RAPGEF1: variants seen among roughly 807,000 people sequenced by gnomAD.
The protein encoded by RAPGEF1 is Rap guanine nucleotide exchange factor 1, also known as CRK SH3-binding GNRP.
Under a neutral mutation model 143.3 loss-of-function variants are expected in RAPGEF1, and 33 were observed. That is an observed-to-expected ratio of 0.23 (90% CI 0.17 to 0.31). The LOEUF (loss-of-function observed/expected upper bound fraction) is 0.31, where lower values mean the gene tolerates loss of function less well. Among genes scored for constraint, RAPGEF1 ranks in the 10% least tolerant of loss-of-function variants. The pLI, the probability that RAPGEF1 is intolerant of heterozygous loss-of-function variation, is 1.00. For synonymous variants in RAPGEF1, 629 were observed against 676.5 expected (o/e 0.93, Z 1.09); for missense variants, 1,199 against 1,645.4 (o/e 0.73, Z 4.69).
intron 1 of RAPGEF1, among the ~76,000 whole-genome samples, chr9:131,682,680 GA>G (rs1833015522): frequency 6.6e-6 from 1 of 152,284 alleles, no homozygotes; most frequent in South Asian, 2.1e-4. Context: ...GGGGAATGGG[GA>G]AAAGTGAAAT....
At chr9:131,691,168 C>T (rs1833756413) in intron 1 of RAPGEF1, among the ~76,000 whole-genome samples, 1 of 152,140 alleles carries the variant, frequency 6.6e-6, no homozygotes, top group African/African-American at 2.4e-5. Context: ...TTTTTCTTAT[C>T]ACTGGTTAAA....
At chr9:131,600,120 G>GA (rs199937770) in intron 15 of RAPGEF1, among the ~76,000 whole-genome samples, 42 of 146,558 alleles carry the variant, frequency 2.9e-4, no homozygotes, top group South Asian at 8.6e-4. Flanking sequence ...TGTCTCAAGG[G>GA]AAAAAAAAAA....
At chr9:131,585,590 A>G (rs1383374434) in intron 22 of RAPGEF1, among the ~76,000 whole-genome samples, 1 of 152,250 alleles carries the variant, frequency 6.6e-6, no homozygotes, top group Non-Finnish European at 1.5e-5. Flanking sequence ...CGTCTGCTTT[A>G]GAAACCACAT....
In RAPGEF1 at chr9:131,725,760, GT is replaced by G. The variant is rs71501267; in HGVS notation, c.61+14009del. Among the ~76,000 whole-genome samples, 431 of 132,588 alleles carry G rather than the reference GT, an allele frequency of 3.3e-3. 1 individual carries two copies. The highest frequency in any genetic ancestry group is 4.3e-3 in the Non-Finnish European group (270 of 62,804). 87.0% of individuals were successfully genotyped at this position (132,588 alleles called of 152,430 possible). ...TTTGCCCATTTAAAAATTGGGTTGT[GT>G]TTTTTTTTTTTTTTTGAGACGGAGT... is the stretch of plus-strand genomic sequence containing the variant. On this transcript the variant is annotated intron_variant, in intron 1 of 26. Coordinates refer to ENST00000683357, the MANE Select transcript of RAPGEF1 (RefSeq NM_001377935.1).
At position 131,587,971 on chromosome 9, in the gene RAPGEF1, G is replaced by C; in HGVS notation, c.3109C>G (p.Leu1037Val). 1 of 1,612,980 alleles carries C rather than the reference G, an allele frequency of 6.2e-7. No homozygotes were observed. Among genetic ancestry groups the C allele is most frequent in the Non-Finnish European group, 8.5e-7 (1 of 1,179,510 alleles). The change falls in exon 21 of 27, where the codon CTG becomes GTG. Residue 1037 changes from leucine (L) to valine (V), a missense_variant. Around this residue, in one of 6 missense-constraint regions of RAPGEF1, gnomAD observed 209 missense variants for 403.0 expected, o/e 0.52. Transcript: ENST00000683357. ...SHEIAEQLTLLDAELFYKIEI... is the reference protein window; with the variant it reads ...SHEIAEQLTLVDAELFYKIEI... ...ATTTTATAGAAGAGCTCAGCATCCA[G>C]CAGCGTTAGCTGCTCCGCTATCTCA...
Position 131,627,997 on chromosome 9 carries a change from T to C in RAPGEF1, c.1117A>G (p.Lys373Glu), listed in dbSNP as rs775574339. ...PRLSPCSSIG[K>E]LSKSDEQLSS... ...AGCTGCTCGTCTGACTTGCTGAGCTTGCCTATGCTGCTGCAGGGGGAGAGG... is the reference window on the plus strand; with the variant it reads ...AGCTGCTCGTCTGACTTGCTGAGCTCGCCTATGCTGCTGCAGGGGGAGAGG... The change falls in exon 9 of 27, where the codon AAG becomes GAG. Residue 373 changes from lysine to glutamate, a missense_variant. Physicochemically the swap from Lys to Glu is moderately conservative, Grantham distance 56. Transcript: ENST00000683357. 6 of 1,595,084 alleles carry C rather than the reference T, an allele frequency of 3.8e-6. No homozygotes were observed. The Admixed American group carries it at 5.2e-5, about 14-fold the overall frequency.
intron 1 of RAPGEF1, among the ~76,000 whole-genome samples, chr9:131,689,727 G>A (rs997223865): frequency 2.0e-5 from 3 of 151,926 alleles, no homozygotes; most frequent in African/African-American, 7.3e-5. Context: ...TAGTAGAGAC[G>A]GGGTTTCACT....
chr9:131,589,798 T>C lies in RAPGEF1; in HGVS notation c.2867+88A>G, dbSNP rs906407687. The C allele has an allele frequency of 7.6e-5, 99 of 1,297,824 alleles. 1 individual carries two copies. Among genetic ancestry groups the C allele is most frequent in the Non-Finnish European group, 1.1e-4 (97 of 899,150 alleles). 80.4% of individuals were successfully genotyped at this position (1,297,824 alleles called of 1,614,324 possible). ...AGATAGAGCAGGCAAGAGCCAGCTC[T>C]GCCCAGAGCCGATGGGCAGGAGAAG... is the stretch of plus-strand genomic sequence containing the variant. On this transcript the variant is annotated intron_variant, in intron 19 of 26. Coordinates refer to ENST00000683357, the MANE Select transcript of RAPGEF1 (RefSeq NM_001377935.1).
In RAPGEF1 at chr9:131,579,642, T is replaced by C; in HGVS notation, c.3647A>G (p.Tyr1216Cys). 2 of 1,613,778 alleles carry C rather than the reference T, an allele frequency of 1.2e-6. No homozygotes were observed. The highest frequency in any genetic ancestry group is 1.7e-6 in the Non-Finnish European group (2 of 1,179,728). Residue 1216 changes from tyrosine to cysteine, a missense_variant, in exon 27 of 27, where the codon TAT becomes TGT. Transcript: ENST00000683357. ...DSMRCFQQAH[Y>C]DMRRNDDIIN... ...AATGTCGTCGTTCCTCCGCATGTCA[T>C]AGTGCCTGGTGCAGGGGATGGGGAG...
intron 3 of RAPGEF1, among the ~76,000 whole-genome samples, chr9:131,648,408 C>CA (rs375294831): frequency 1.3e-5 from 2 of 151,682 alleles, no homozygotes; most frequent in Non-Finnish European, 2.9e-5. Flanking sequence ...AACAAACAAA[C>CA]AAAAAAACAA....
intron 1 of RAPGEF1, among the ~76,000 whole-genome samples, chr9:131,708,294 A>T (rs1001818013): frequency 6.6e-6 from 1 of 152,242 alleles, no homozygotes; most frequent in Non-Finnish European, 1.5e-5. Flanking sequence ...TGGCAAGAGG[A>T]GGCAAAGACC....
chr9:131,639,663 G>A (rs1967279870), intron 4 of RAPGEF1, among the ~76,000 whole-genome samples: 1 of 151,952 alleles, frequency 6.6e-6, no homozygotes, highest in Non-Finnish European at 1.5e-5. Flanking sequence ...TTATCACAGA[G>A]GAAGAGCAAC....
chr9:131,628,134 T>C lies in RAPGEF1; in HGVS notation c.1018-38A>G. The C allele has an allele frequency of 2.0e-6, 3 of 1,479,604 alleles. No individual in the cohort carries two copies. The highest frequency in any genetic ancestry group is 3.5e-4 in the Middle Eastern group (2 of 5,694). The allele number at this position is 1,479,604 out of a possible 1,614,324, so 91.7% of individuals were successfully genotyped here. A position where few individuals can be genotyped will look rare whatever the true frequency, so the allele number is the denominator to read the frequency against. ...AAGAAAAACAAAGCCAAATCACTTC[T>C]GAGAAACGGTGGCACAGACCAGGGG... On this transcript the variant is annotated intron_variant, in intron 8 of 26. Coordinates refer to ENST00000683357, the MANE Select transcript of RAPGEF1 (RefSeq NM_001377935.1). The surrounding 1 kb of genome is among the most constrained non-coding windows in gnomAD (Gnocchi z 5.7).
rs1393338933 is a variant in RAPGEF1, at chr9:131,655,686, GC to G, written c.62-4738del. On this transcript the variant is annotated intron_variant, in intron 1 of 26. Coordinates refer to ENST00000683357, the MANE Select transcript of RAPGEF1 (RefSeq NM_001377935.1). The surrounding 1 kb of genome is among the most constrained non-coding windows in gnomAD (Gnocchi z 4.1). ...CAGGAGAATGGCGTGAATCCAGGAG[GC>G]AGAGCATGCAGTGCAAGATTGCACC... is the stretch of plus-strand genomic sequence containing the variant. 2.6e-5 allele frequency among the ~76,000 whole-genome samples: 4 copies of G among 152,174 alleles called. No homozygotes were observed. The highest frequency in any genetic ancestry group is 9.7e-5 in the African/African-American group (4 of 41,428).
In RAPGEF1 at chr9:131,699,823, G is replaced by A. The variant is rs748634009; in HGVS notation, c.61+39947C>T. 7.2e-4 allele frequency among the ~76,000 whole-genome samples: 110 copies of A among 152,098 alleles called. 1 individual carries two copies. Among genetic ancestry groups the A allele is most frequent in the Admixed American group, 4.6e-4 (7 of 15,288 alleles). ...CTCTGGGGCTCAGGCTTTGGCCCCT[G>A]CTCTTCTCTGACTTACTTGCTGGTA... On this transcript the variant is annotated intron_variant, in intron 1 of 26. Transcript: ENST00000683357.
intron 1 of RAPGEF1, among the ~76,000 whole-genome samples, chr9:131,660,604 G>A (rs1359450445): frequency 6.6e-6 from 1 of 152,184 alleles, no homozygotes; most frequent in Non-Finnish European, 1.5e-5. Context: ...CTGCGTTGAT[G>A]AACACCCTCA....
rs1286425753 is a variant in RAPGEF1 at position 131,734,327 on chromosome 9, AC to A, written c.61+5442del. On this transcript the variant is annotated intron_variant, in intron 1 of 26. Transcript: ENST00000683357. ...AAGAGGGATACTCCGCCCTGCCCTC[AC>A]CCCCTGGGCTGTTGTGAGGATGAAA... 9.2e-5 allele frequency among the ~76,000 whole-genome samples: 14 copies of A among 152,180 alleles called. No individual in the cohort carries two copies. The East Asian group carries it at 2.7e-3, about 29-fold the overall frequency.
At chr9:131,709,759 G>C in intron 1 of RAPGEF1, 2 of 1,606,366 alleles carry the variant, frequency 1.2e-6, no homozygotes, top group Non-Finnish European at 8.5e-7. Flanking sequence ...CGAGTCACTG[G>C]CTGAAAGGGG....
chr9:131,715,669 T>C (rs62583102), intron 1 of RAPGEF1, among the ~76,000 whole-genome samples: 1 of 151,668 alleles, frequency 6.6e-6, no homozygotes, highest in East Asian at 1.9e-4. Context: ...ATAGAGACCA[T>C]CCTGGCCAAG....
Sources: allele counts gnomAD v4.1 joint callset (sites outside exome capture counted in the v4.1 genomes callset), GRCh38; gene constraint gnomAD v4.1.1; regional missense constraint gnomAD v4.1.1; non-coding constraint Gnocchi (gnomAD v3.1); transcripts MANE v1.5; gene names NCBI Gene and HGNC (gene_info 2026-07-23, HGNC 2026-07-21).